The following MAP3K20 variants were observed in gnomAD, a reference collection of about 807,000 sequenced individuals.
MAP3K20 encodes the protein HCCS-4.
In MAP3K20, 40 loss-of-function variants were observed where a neutral mutation model predicts 85.7. That is an observed-to-expected ratio of 0.47 (90% confidence interval 0.36 to 0.61). The LOEUF (loss-of-function observed/expected upper bound fraction) is 0.61. Among genes scored for constraint, MAP3K20 ranks in the 20% least tolerant of loss-of-function variants. The pLI is 0.00. For synonymous variants in MAP3K20, 325 were observed against 327.7 expected (o/e 0.99, Z 0.09); for missense variants, 817 against 961.7 (o/e 0.85, Z 1.99).
chr2:173,154,220 G>T (rs1257961887), intron 2 of MAP3K20, among the ~76,000 whole-genome samples: 1 of 152,114 alleles, frequency 6.6e-6, no homozygotes, highest in Non-Finnish European at 1.5e-5. Flanking sequence ...ATCTTTTTCT[G>T]TTGCCCAGGC....
rs537062565 is a variant in MAP3K20 at position 173,191,322 on chromosome 2, G to A, written c.582+145G>A. ...GCCTAAAGCAGCACCATTGGAGAAC[G>A]CTTCCTAGTTGCCAAAATGTTTAAT... On this transcript the variant is annotated intron_variant, in intron 7 of 19. Coordinates refer to ENST00000375213, the MANE Select transcript of MAP3K20 (RefSeq NM_016653.3). 38 of 1,150,576 alleles carry A rather than the reference G, an allele frequency of 3.3e-5. No homozygotes were observed. The South Asian group carries it at 5.0e-4, about 15-fold the overall frequency. 71.3% of individuals were successfully genotyped at this position (1,150,576 alleles called of 1,614,324 possible). A position where few individuals can be genotyped will look rare whatever the true frequency, so the allele number is the denominator to read the frequency against.
intron 3 of MAP3K20, among the ~76,000 whole-genome samples, chr2:173,176,763 T>TA (rs1690172196): frequency 6.6e-6 from 1 of 152,058 alleles, no homozygotes; most frequent in Non-Finnish European, 1.5e-5. Flanking sequence ...CAGATCAGAT[T>TA]AAAAAATAAC....
At chr2:173,077,687 A>G (rs916784283) in intron 1 of MAP3K20, among the ~76,000 whole-genome samples, 4 of 152,260 alleles carry the variant, frequency 2.6e-5, no homozygotes, top group Non-Finnish European at 5.9e-5. Flanking sequence ...GTAAATGACC[A>G]TGATGCAATT....
chr2:173,082,336 A>G lies in MAP3K20; in HGVS notation c.-35+6334A>G, dbSNP rs1687035186. ...CTTGCCTCTTGATCATCAAAACATAATATAAGGTCTTAGTCTTCCCTAGTT... is the reference window on the plus strand; with the variant it reads ...CTTGCCTCTTGATCATCAAAACATAGTATAAGGTCTTAGTCTTCCCTAGTT... On this transcript the variant is annotated intron_variant, in intron 1 of 19. Transcript: ENST00000375213. Among the ~76,000 whole-genome samples, 3 of 152,276 alleles carry G rather than the reference A, an allele frequency of 2.0e-5. No homozygotes were observed. The South Asian group carries it at 6.2e-4, about 32-fold the overall frequency.
intron 16 of MAP3K20, among the ~76,000 whole-genome samples, chr2:173,244,673 T>C (rs1684874243): frequency 6.6e-6 from 1 of 152,188 alleles, no homozygotes; most frequent in South Asian, 2.1e-4. Flanking sequence ...CTAGAATAAA[T>C]TACTATCCTG....
At chr2:173,130,087 A>G (rs1193939612) in intron 2 of MAP3K20, among the ~76,000 whole-genome samples, 1 of 152,226 alleles carries the variant, frequency 6.6e-6, no homozygotes, top group Non-Finnish European at 1.5e-5. Flanking sequence ...TGACCTCGGC[A>G]TTTCACAACT....
intron 2 of MAP3K20, among the ~76,000 whole-genome samples, chr2:173,140,347 C>T (rs573494824): frequency 6.7e-6 from 1 of 149,950 alleles, no homozygotes; most frequent in South Asian, 2.1e-4. Context: ...TTGTGAGTAA[C>T]TTTCCAGATT....
chr2:173,104,596 G>T (rs1687733567), intron 2 of MAP3K20, among the ~76,000 whole-genome samples: 1 of 152,184 alleles, frequency 6.6e-6, no homozygotes, highest in African/African-American at 2.4e-5. Context: ...TGGCTTCTTA[G>T]CTTTGACAAA....
intron 9 of MAP3K20, among the ~76,000 whole-genome samples, chr2:173,204,722 T>A (rs1358713566): frequency 1.3e-5 from 2 of 152,232 alleles, no homozygotes; most frequent in Admixed American, 1.3e-4. Flanking sequence ...GCCATGATAA[T>A]TTTTGAAGCT....
intron 16 of MAP3K20, among the ~76,000 whole-genome samples, chr2:173,247,106 C>T (rs1385516419): frequency 6.6e-6 from 1 of 152,214 alleles, no homozygotes; most frequent in Non-Finnish European, 1.5e-5. Context: ...CCATTGTTAA[C>T]ACCTGGCCTC....
At chr2:173,247,741 A>G (rs1467362454) in intron 16 of MAP3K20, among the ~76,000 whole-genome samples, 3 of 152,172 alleles carry the variant, frequency 2.0e-5, no homozygotes, top group Non-Finnish European at 4.4e-5. Context: ...GCAGGAGGAA[A>G]CTTTTGGAAG....
rs200823120 is a variant in MAP3K20 at position 173,232,158 on chromosome 2, A to G, written c.1033-34A>G. 111 of 1,614,134 alleles carry G rather than the reference A, an allele frequency of 6.9e-5. No homozygotes were observed. In the African/African-American group the frequency reaches 1.0e-3, roughly 15 times the overall value. ...AAGACTGGCCACTGACCATGTGTGA[A>G]TCTTCAAAACCGTATGTGTCCTCTC... On this transcript the variant is annotated intron_variant, in intron 12 of 19. Coordinates refer to ENST00000375213, the MANE Select transcript of MAP3K20 (RefSeq NM_016653.3).
chr2:173,251,282 T>C (rs2106347481), intron 16 of MAP3K20, among the ~76,000 whole-genome samples: 1 of 152,296 alleles, frequency 6.6e-6, no homozygotes, highest in Non-Finnish European at 1.5e-5. Flanking sequence ...CCTTTTTTGC[T>C]GAAACCCTGA....
chr2:173,227,052 C>G, intron 11 of MAP3K20: 1 of 985,798 alleles, frequency 1.0e-6, no homozygotes, highest in South Asian at 4.7e-5. Context: ...ATTCAGAAAT[C>G]CAAGTTGGTG....
chr2:173,230,785 C>G (rs925310207), intron 12 of MAP3K20, among the ~76,000 whole-genome samples: 7 of 152,116 alleles, frequency 4.6e-5, no homozygotes, highest in African/African-American at 1.7e-4. Context: ...CACTTGAGGT[C>G]AGGAGTTCGA....
chr2:173,100,846 A>T (rs183803156), intron 2 of MAP3K20, among the ~76,000 whole-genome samples: 58 of 152,276 alleles, frequency 3.8e-4, no homozygotes, highest in African/African-American at 1.3e-3. Flanking sequence ...AAAATAATGG[A>T]TCATTTTATT....
intron 16 of MAP3K20, among the ~76,000 whole-genome samples, chr2:173,246,205 A>C (rs972202454): frequency 3.3e-5 from 5 of 152,152 alleles, no homozygotes; most frequent in African/African-American, 1.2e-4. Flanking sequence ...CAACCTAGTA[A>C]GGGGCAAATT....
intron 18 of MAP3K20, among the ~76,000 whole-genome samples, chr2:173,263,008 A>T (rs2106358282): frequency 6.6e-6 from 1 of 152,220 alleles, no homozygotes; most frequent in Admixed American, 6.5e-5. Flanking sequence ...CCCCATGATG[A>T]TATGCCACTT....
intron 9 of MAP3K20, among the ~76,000 whole-genome samples, chr2:173,204,604 T>C (rs1683605754): frequency 6.6e-6 from 1 of 152,178 alleles, no homozygotes; most frequent in Admixed American, 6.5e-5. Flanking sequence ...TTTAAAAGAC[T>C]CTCGCATACA....
Sources: allele counts gnomAD v4.1 joint callset (sites outside exome capture counted in the v4.1 genomes callset), GRCh38; gene constraint gnomAD v4.1.1; transcripts MANE v1.5; gene names NCBI Gene and HGNC (gene_info 2026-07-23, HGNC 2026-07-21).